The following IGF2R variants were observed in gnomAD, a reference collection of about 807,000 sequenced individuals.
IGF2R encodes the protein insulin like growth factor 2 receptor, also known as cation-independent mannose-6-phosphate receptor.
IGF2R carries 91 observed loss-of-function variants against 270.6 expected under a neutral mutation model. That is an observed-to-expected ratio of 0.34 (90% CI 0.28 to 0.40). The LOEUF is 0.40. Among genes scored for constraint, IGF2R ranks in the 10% least tolerant of loss-of-function variants. The pLI is 1.00. For missense variants in IGF2R, 2,805 were observed against 3,188.3 expected, an observed-to-expected ratio of 0.88 and a Z score of 2.90; for synonymous variants, 1,316 against 1,258.9, an observed-to-expected ratio of 1.05 and a Z score of -0.96.
Position 160,109,444 on chromosome 6 carries a change from C to G in IGF2R, c.*4360C>G, listed in dbSNP as rs1202352770. On this transcript the variant is annotated 3_prime_UTR_variant, in exon 48 of 48. Transcript: ENST00000356956. The stretch of plus-strand genomic sequence containing the variant: ...TTGAGACAACATGTAGACATTCAAA[C>G]TTACAGAACAAAGAACTATTTTTTC... The G allele has an allele frequency of 6.6e-6, 1 of 152,236 alleles. No homozygotes were observed. Among genetic ancestry groups the G allele is most frequent in the Admixed American group, 6.5e-5 (1 of 15,288 alleles). 9.4% of individuals were successfully genotyped at this position (152,236 alleles called of 1,614,324 possible).
intron 1 of IGF2R, among the ~76,000 whole-genome samples, chr6:159,987,258 T>C (rs1314702048): frequency 6.6e-6 from 1 of 152,250 alleles, no homozygotes; most frequent in Non-Finnish European, 1.5e-5. Flanking sequence ...AGTGGAAACA[T>C]ATCTAGTGAT....
rs1160378088 is a variant in IGF2R, at chr6:160,090,308, G to A, written c.6655+205G>A. On this transcript the variant is annotated intron_variant, in intron 44 of 47. Transcript: ENST00000356956. ...AAGCATTTCACTGTAGGCAAATTGT[G>A]TCTTAGTTATCAAGTAAATGTACAA... The A allele has an allele frequency of 1.0e-5, 4 of 385,314 alleles. No individual in the cohort carries two copies. The South Asian group carries it at 2.4e-4, about 23-fold the overall frequency. The allele number at this position is 385,314 out of a possible 1,614,324, so 23.9% of individuals were successfully genotyped here.
intron 1 of IGF2R, among the ~76,000 whole-genome samples, chr6:159,974,081 G>A (rs1407194884): frequency 6.6e-6 from 1 of 152,190 alleles, no homozygotes; most frequent in Non-Finnish European, 1.5e-5. Flanking sequence ...AGACTGTAAT[G>A]CCGAATTACA....
chr6:159,969,351 G>C lies in IGF2R; in HGVS notation c.105G>C (p.Pro35=). 1 of 1,313,860 alleles carries C rather than the reference G, an allele frequency of 7.6e-7. No individual in the cohort carries two copies. The highest frequency in any genetic ancestry group is 9.7e-7 in the Non-Finnish European group (1 of 1,028,192). The allele number at this position is 1,313,860 out of a possible 1,614,324, so 81.4% of individuals were successfully genotyped here. A position where few individuals can be genotyped will look rare whatever the true frequency, so the allele number is the denominator to read the frequency against. ...LLQLLLLVAA[P]GSTQAQAAPF... ...AGCTGCTGCTGCTCGTCGCTGCCCC[G>C]GGGTCCACGCAGGCCCAGGCCGCCC... The change falls in exon 1 of 48, where the codon CCG becomes CCC. Residue 35 remains proline, a synonymous_variant. Coordinates refer to ENST00000356956, the MANE Select transcript of IGF2R (RefSeq NM_000876.4).
chr6:160,102,270 A>G lies in IGF2R; in HGVS notation c.6843-249A>G, dbSNP rs1042001532. Among the ~76,000 whole-genome samples, 1 of 152,222 alleles carries G rather than the reference A, an allele frequency of 6.6e-6. No individual in the cohort carries two copies. Among genetic ancestry groups the G allele is most frequent in the African/African-American group, 2.4e-5 (1 of 41,460 alleles). On this transcript the variant is annotated intron_variant, in intron 45 of 47. Coordinates refer to ENST00000356956, the MANE Select transcript of IGF2R (RefSeq NM_000876.4). This position sits in a 1 kb window ranked among gnomAD's most constrained non-coding sequence, Gnocchi z 4.5. ...TCTGTGTTTGGGTGAATGATAGTTC[A>G]TGGAGCTGGAAGCAGTGCCTTCTTG... is the stretch of plus-strand genomic sequence containing the variant.
chr6:160,094,630 G>A (rs1219761426), intron 44 of IGF2R: 2 of 152,652 alleles, frequency 1.3e-5, no homozygotes, highest in East Asian at 3.9e-4. Flanking sequence ...TGGGCGTGGT[G>A]GCTCACGCCT....
intron 11 of IGF2R, among the ~76,000 whole-genome samples, chr6:160,042,831 G>A (rs1006477175): frequency 1.3e-5 from 2 of 152,172 alleles, no homozygotes; most frequent in African/African-American, 4.8e-5. Context: ...TCTTGATTTG[G>A]GTTTTCAGTT....
chr6:160,064,455 CG>C lies in IGF2R; in HGVS notation c.3949del (p.Asp1317ThrfsTer27), dbSNP rs760021495. On this transcript the variant is annotated frameshift_variant, in exon 28 of 48. Transcript: ENST00000356956. LOFTEE classifies it high-confidence loss of function. ...AATGGCTTGTTAAAAATGAACTTCA[CG>C]GGGGGGGACACTTGCCATAAGGTTT... Reference protein sequence around the residue: ...YENGLLKMNFTGGDTCHKVYQ... With the variant: ...YENGLLKMNFXGGDTCHKVYQ... The C allele has an allele frequency of 5.0e-6, 8 of 1,611,894 alleles. No homozygotes were observed. The highest frequency in any genetic ancestry group is 1.7e-5 in the Admixed American group (1 of 59,898).
intron 2 of IGF2R, among the ~76,000 whole-genome samples, chr6:159,992,611 C>G (rs1783996510): frequency 6.6e-6 from 1 of 151,898 alleles, no homozygotes; most frequent in Non-Finnish European, 1.5e-5. Flanking sequence ...CACACACACA[C>G]ACACACACAC....
intron 46 of IGF2R, among the ~76,000 whole-genome samples, chr6:160,103,422 G>A (rs575837042): frequency 4.6e-5 from 7 of 152,270 alleles, no homozygotes; most frequent in African/African-American, 9.6e-5. Context: ...CTGTCTCTGC[G>A]AGCCACCATT....
chr6:160,078,846 G>C (rs1778911834), intron 37 of IGF2R, among the ~76,000 whole-genome samples: 1 of 152,184 alleles, frequency 6.6e-6, no homozygotes, highest in African/African-American at 2.4e-5. Context: ...AGAGGCACTT[G>C]GGCATGTGCC....
chr6:160,017,239 C>T (rs569650865), intron 4 of IGF2R, among the ~76,000 whole-genome samples: 1 of 152,104 alleles, frequency 6.6e-6, no homozygotes, highest in Non-Finnish European at 1.5e-5. Flanking sequence ...TTGAAAGTTT[C>T]AACCATAGAC....
chr6:160,007,664 C>G (rs1736982873), intron 2 of IGF2R: 1 of 152,172 alleles, frequency 6.6e-6, no homozygotes, highest in Non-Finnish European at 1.5e-5. Context: ...TGTGTGCTTT[C>G]TCAGTCAGAG....
chr6:159,982,985 A>C (rs1342949351), intron 1 of IGF2R, among the ~76,000 whole-genome samples: 1 of 152,214 alleles, frequency 6.6e-6, no homozygotes, highest in Non-Finnish European at 1.5e-5. Flanking sequence ...CATATATGAA[A>C]ACTCTGAGAG....
At chr6:159,996,641 C>T (rs112118335) in intron 2 of IGF2R, among the ~76,000 whole-genome samples, 9 of 152,244 alleles carry the variant, frequency 5.9e-5, no homozygotes, top group South Asian at 4.2e-4. Context: ...TGTCACACCC[C>T]GTCCTGGCGC....
intron 1 of IGF2R, among the ~76,000 whole-genome samples, chr6:159,981,350 TGA>T (rs1491129674): frequency 1.5e-4 from 23 of 152,102 alleles, no homozygotes; most frequent in Admixed American, 3.9e-4. Context: ...TGTGTGTGTG[TGA>T]GTGTGTTTGT....
Position 160,084,224 on chromosome 6 carries a change from A to G in IGF2R, c.6068+40A>G, listed in dbSNP as rs1779050053. The G allele has an allele frequency of 3.2e-6, 4 of 1,242,188 alleles. No homozygotes were observed. The highest frequency in any genetic ancestry group is 4.7e-6 in the Non-Finnish European group (4 of 844,288). The allele number at this position is 1,242,188 out of a possible 1,614,324, so 76.9% of individuals were successfully genotyped here. On this transcript the variant is annotated intron_variant, in intron 40 of 47. Transcript: ENST00000356956. This position sits in a 1 kb window ranked among gnomAD's most constrained non-coding sequence, Gnocchi z 4.6. The stretch of plus-strand genomic sequence containing the variant: ...AGTCCACCCGCGGCGCCACACCCTC[A>G]GCATGTGAACTTCAGACTGCTTGAC...
chr6:159,974,084 G>A (rs576887840), intron 1 of IGF2R, among the ~76,000 whole-genome samples: 57 of 152,138 alleles, frequency 3.7e-4, no homozygotes, highest in Non-Finnish European at 6.9e-4. Flanking sequence ...CTGTAATGCC[G>A]AATTACAATT....
At chr6:160,021,106 A>G (rs1777422698) in intron 4 of IGF2R, among the ~76,000 whole-genome samples, 1 of 152,168 alleles carries the variant, frequency 6.6e-6, no homozygotes. Flanking sequence ...TCAACAAGAA[A>G]AACCACAATC....
Sources: gnomAD v4.1 joint callset for allele counts (sites outside exome capture counted in the v4.1 genomes callset) on GRCh38, gnomAD v4.1.1 for gene constraint, Gnocchi (gnomAD v3.1) non-coding constraint, MANE v1.5 for transcripts, NCBI Gene and HGNC (gene_info 2026-07-23, HGNC 2026-07-21) for gene names.